The following TMPRSS12 variants were observed in gnomAD, a reference collection of about 807,000 sequenced individuals.
TMPRSS12 encodes transmembrane serine protease 12, also known as transmembrane protease serine 12.
A neutral mutation model predicts 26.0 loss-of-function variants in TMPRSS12; 25 were observed. That is an observed-to-expected ratio of 0.96 (90% CI 0.70 to 1.34). The LOEUF (loss-of-function observed/expected upper bound fraction) is 1.34. Ranked by LOEUF, TMPRSS12 falls within the 40% of genes most tolerant of loss-of-function variation. TMPRSS12 has a pLI of 0.00. For synonymous variants in TMPRSS12, 150 were observed against 161.7 expected (o/e 0.93, Z 0.55); for missense variants, 441 against 440.1 (o/e 1.00, Z -0.02).
chr12:50,879,009 C>A (rs139297301), intron 3 of TMPRSS12, among the ~76,000 whole-genome samples: 2 of 152,184 alleles, frequency 1.3e-5, no homozygotes, highest in African/African-American at 4.8e-5. Context: ...AGAAAATGGC[C>A]CTAATCAGAC....
Position 50,843,834 on chromosome 12 carries a change from AT to A in TMPRSS12, c.188-3del, listed in dbSNP as rs1239969505. ...TCAGTCCAAATAATATATCATTTTTATTTTTAGATTGTGGAACAGCACCGCT... is the reference window on the plus strand; with the variant it reads ...TCAGTCCAAATAATATATCATTTTTATTTTAGATTGTGGAACAGCACCGCT... On this transcript the variant is annotated splice_region_variant and splice_polypyrimidine_tract_variant and intron_variant, in intron 1 of 4. Transcript: ENST00000398458. The A allele has an allele frequency of 1.9e-6, 3 of 1,549,578 alleles. No individual in the cohort carries two copies. Among genetic ancestry groups the A allele is most frequent in the South Asian group, 2.4e-5 (2 of 83,922 alleles).
chr12:50,864,986 G>C (rs1021733004), intron 3 of TMPRSS12, among the ~76,000 whole-genome samples: 1 of 152,170 alleles, frequency 6.6e-6, no homozygotes, highest in Admixed American at 6.5e-5. Context: ...TATTTAGAAG[G>C]ACTAGGCACT....
At chr12:50,878,078 C>T (rs534921446) in intron 3 of TMPRSS12, among the ~76,000 whole-genome samples, 11 of 152,010 alleles carry the variant, frequency 7.2e-5, no homozygotes, top group Non-Finnish European at 1.0e-4. Context: ...GTTGTTAATA[C>T]GGCAATTATT....
chr12:50,861,169 CA>C (rs1565932899), intron 3 of TMPRSS12, among the ~76,000 whole-genome samples: 2 of 152,188 alleles, frequency 1.3e-5, no homozygotes, highest in African/African-American at 4.8e-5. Flanking sequence ...AGTTGGAACT[CA>C]AATCCAAGTC....
chr12:50,864,972 A>G (rs114929907), intron 3 of TMPRSS12, among the ~76,000 whole-genome samples: 9,049 of 152,256 alleles, frequency 0.059, 308 homozygotes, highest in Middle Eastern at 0.12. Flanking sequence ...AATCAGCAAT[A>G]GACTATTTAG....
intron 2 of TMPRSS12, among the ~76,000 whole-genome samples, chr12:50,846,637 G>T (rs1487387488): frequency 6.6e-6 from 1 of 152,004 alleles, no homozygotes; most frequent in Non-Finnish European, 1.5e-5. Flanking sequence ...GGCATGCAGT[G>T]GCATGATCTC....
intron 3 of TMPRSS12, among the ~76,000 whole-genome samples, chr12:50,875,896 G>A (rs1938108794): frequency 6.6e-6 from 1 of 152,118 alleles, no homozygotes. Context: ...AACAAAAATT[G>A]ACAAGTGGGA....
At chr12:50,873,182 CAG>C (rs1309935099) in intron 3 of TMPRSS12, among the ~76,000 whole-genome samples, 3 of 150,526 alleles carry the variant, frequency 2.0e-5, no homozygotes, top group Non-Finnish European at 3.0e-5. Flanking sequence ...TTGGGGGACT[CAG>C]GGGAAAGGGT....
chr12:50,867,348 C>T (rs187225647), intron 3 of TMPRSS12, among the ~76,000 whole-genome samples: 7 of 152,254 alleles, frequency 4.6e-5, no homozygotes, highest in African/African-American at 1.7e-4. Context: ...TGGAAAGTCT[C>T]TGCAATAGAA....
At position 50,858,774 on chromosome 12, in the gene TMPRSS12, CT is replaced by C. The variant is rs1283305260; in HGVS notation, c.384-8del. The C allele has an allele frequency of 6.6e-7, 1 of 1,509,552 alleles. No homozygotes were observed. Among genetic ancestry groups the C allele is most frequent in the African/African-American group, 1.4e-5 (1 of 71,336 alleles). The allele number at this position is 1,509,552 out of a possible 1,614,324, so 93.5% of individuals were successfully genotyped here. ...AAGATATTTATAATAAGAATGTTTA[CT>C]TTCTTTCAGCGATCCTTTAATGTGG... is the stretch of plus-strand genomic sequence containing the variant. On this transcript the variant is annotated splice_polypyrimidine_tract_variant and intron_variant, in intron 2 of 4. Transcript: ENST00000398458.
chr12:50,851,165 A>G (rs954966631), intron 2 of TMPRSS12, among the ~76,000 whole-genome samples: 8 of 152,192 alleles, frequency 5.3e-5, no homozygotes, highest in African/African-American at 1.9e-4. Context: ...CTTATCTCCA[A>G]ATGACTACAA....
intron 4 of TMPRSS12, chr12:50,885,824 CTT>C (rs398019534): frequency 7.1e-3 from 1,325 of 187,330 alleles, no homozygotes; most frequent in Middle Eastern, 0.022. Flanking sequence ...CCCGGCCATT[CTT>C]TTTTTTTTTT....
intron 3 of TMPRSS12, among the ~76,000 whole-genome samples, chr12:50,861,452 G>A (rs1937933740): frequency 6.6e-6 from 1 of 152,010 alleles, no homozygotes; most frequent in Non-Finnish European, 1.5e-5. Flanking sequence ...ATGGTGTAGG[G>A]AAAGGAACAT....
chr12:50,878,592 A>T (rs1938134919), intron 3 of TMPRSS12, among the ~76,000 whole-genome samples: 1 of 152,172 alleles, frequency 6.6e-6, no homozygotes, highest in Admixed American at 6.5e-5. Flanking sequence ...AAATTAATTT[A>T]ATTTTTGAAA....
intron 3 of TMPRSS12, among the ~76,000 whole-genome samples, chr12:50,877,848 G>C (rs1036081344): frequency 1.3e-5 from 2 of 152,262 alleles, no homozygotes; most frequent in African/African-American, 4.8e-5. Context: ...GGCCTCAAGT[G>C]ATCCGCCTGC....
Position 50,887,564 on chromosome 12 carries a change from T to C in TMPRSS12, c.*51T>C, listed in dbSNP as rs1054333434. The C allele has an allele frequency of 1.3e-6, 2 of 1,567,086 alleles. No individual in the cohort carries two copies. Among genetic ancestry groups the C allele is most frequent in the Admixed American group, 3.9e-5 (2 of 51,542 alleles). On this transcript the variant is annotated 3_prime_UTR_variant, in exon 5 of 5. Transcript: ENST00000398458. ...TTATTTTGCATTGTGTCCCTTTCTA[T>C]GTTCTATATAATGAACATCATTTAT...
At chr12:50,875,468 C>T (rs1389130225) in intron 3 of TMPRSS12, among the ~76,000 whole-genome samples, 8 of 114,710 alleles carry the variant, frequency 7.0e-5, no homozygotes, top group East Asian at 5.7e-4. Context: ...CAAGCCTGGG[C>T]GACAGAGCAA....
At chr12:50,852,759 A>T (rs940779392) in intron 2 of TMPRSS12, among the ~76,000 whole-genome samples, 1 of 152,222 alleles carries the variant, frequency 6.6e-6, no homozygotes, top group South Asian at 2.1e-4. Context: ...AGAGCATTAC[A>T]TAATGATAAA....
intron 2 of TMPRSS12, among the ~76,000 whole-genome samples, chr12:50,850,919 C>G (rs829127): frequency 0.86 from 130,160 of 152,192 alleles, 56,813 homozygotes; most frequent in East Asian, 0.98. Flanking sequence ...CAGGATTAGA[C>G]CTTATAGCCC....
Sources: gnomAD v4.1 joint callset for allele counts (sites outside exome capture counted in the v4.1 genomes callset) on GRCh38, gnomAD v4.1.1 for gene constraint, MANE v1.5 for transcripts, NCBI Gene and HGNC (gene_info 2026-07-23, HGNC 2026-07-21) for gene names.